TNS3: variants seen among roughly 807,000 people sequenced by gnomAD.
TNS3 encodes the protein tensin 3, also known as tensin-3.
TNS3 carries 45 observed loss-of-function variants against 140.9 expected under a neutral mutation model. The ratio of observed to expected loss-of-function variants is 0.32; its 90% CI spans 0.25 to 0.41. TNS3 has a LOEUF of 0.41. Ranked by LOEUF, TNS3 falls within the 10% of genes least tolerant of loss-of-function variation. TNS3 has a pLI of 1.00. For missense variants in TNS3, 1,716 were observed against 1,906.7 expected (o/e 0.90, Z 1.86); for synonymous variants, 815 against 788.4 (o/e 1.03, Z -0.56).
intron 20 of TNS3, among the ~76,000 whole-genome samples, chr7:47,328,231 G>GC (rs886195092): frequency 3.9e-5 from 6 of 152,184 alleles, no homozygotes; most frequent in Admixed American, 2.0e-4. Flanking sequence ...GAGAGCTCAG[G>GC]CCCGGGAAAG....
At chr7:47,542,324 G>T (rs1029291486) in intron 1 of TNS3, among the ~76,000 whole-genome samples, 1 of 152,132 alleles carries the variant, frequency 6.6e-6, no homozygotes, top group Non-Finnish European at 1.5e-5. Context: ...CTGCAGAGAG[G>T]CATCATCTAA....
Position 47,368,469 on chromosome 7 carries a change from T to C in TNS3, c.2177A>G (p.Gln726Arg), listed in dbSNP as rs370226888. The C allele has an allele frequency of 1.9e-6, 3 of 1,589,350 alleles. No homozygotes were observed. Among genetic ancestry groups the C allele is most frequent in the African/African-American group, 2.7e-5 (2 of 74,432 alleles). Residue 726 changes from glutamine (Q) to arginine (R), a missense_variant, in exon 17 of 31, where the codon CAG (glutamine) becomes CGG (arginine). By Grantham distance (43) the Gln-to-Arg change is conservative (BLOSUM62 1). This residue lies in a region of TNS3 where 1,163 missense variants were observed against 1,182.1 expected (regional missense o/e 0.98). Transcript: ENST00000311160. The part of the protein sequence containing the change: ...IPTHMNALGS[Q>R]ANGSVSPDSV... ...GTCTGGAGACACAGAGCCATTGGCC[T>C]GGCTACCGAGGGCGTTCATGTGGGT...
chr7:47,464,537 A>C (rs186601174), intron 4 of TNS3, among the ~76,000 whole-genome samples: 131 of 152,186 alleles, frequency 8.6e-4, no homozygotes, highest in African/African-American at 3.0e-3. Flanking sequence ...GGCTGAACAG[A>C]CTTCAGTTTG....
intron 2 of TNS3, among the ~76,000 whole-genome samples, chr7:47,514,110 G>T (rs369716941): frequency 3.9e-5 from 6 of 152,190 alleles, no homozygotes; most frequent in African/African-American, 1.4e-4. Context: ...GTCACCCTCT[G>T]CTTCTCCTAG....
intron 2 of TNS3, among the ~76,000 whole-genome samples, chr7:47,514,604 C>G (rs1798719034): frequency 1.3e-5 from 2 of 151,272 alleles, no homozygotes; most frequent in Non-Finnish European, 1.5e-5. Flanking sequence ...CCTTTCTCAA[C>G]TCTCATCTCC....
At chr7:47,543,338 G>A (rs562459589) in intron 1 of TNS3, among the ~76,000 whole-genome samples, 1 of 152,330 alleles carries the variant, frequency 6.6e-6, no homozygotes, top group South Asian at 2.1e-4. Context: ...CCAGGGCCAT[G>A]CTGGAGGGGG....
Position 47,400,927 on chromosome 7 carries a change from G to A in TNS3, c.724-13C>T, listed in dbSNP as rs1562692577. The A allele has an allele frequency of 3.1e-6, 5 of 1,613,842 alleles. No individual in the cohort carries two copies. The African/African-American group carries it at 5.3e-5, about 17-fold the overall frequency. On this transcript the variant is annotated splice_polypyrimidine_tract_variant and intron_variant, in intron 13 of 30. Coordinates refer to ENST00000311160, the MANE Select transcript of TNS3 (RefSeq NM_022748.12). ...GGTAGCATTTCACCTGGGTTAGAGA[G>A]ACAAAACAAAACAAAGTAGCTGCAG...
intron 20 of TNS3, among the ~76,000 whole-genome samples, chr7:47,338,790 C>T (rs1163272818): frequency 6.6e-6 from 1 of 152,192 alleles, no homozygotes; most frequent in Admixed American, 6.5e-5. Context: ...GTGAATTGTG[C>T]TGTGATAAAC....
At chr7:47,343,875 C>A (rs1275869486) in intron 20 of TNS3, among the ~76,000 whole-genome samples, 1 of 152,136 alleles carries the variant, frequency 6.6e-6, no homozygotes, top group Non-Finnish European at 1.5e-5. Context: ...GGATGTCTTT[C>A]TATTACATAG....
Position 47,405,493 on chromosome 7 carries a change from C to G in TNS3, c.724-4579G>C, listed in dbSNP as rs999150729. On this transcript the variant is annotated intron_variant, in intron 13 of 30. Transcript: ENST00000311160. ...AGACTTAAGTCAGGCAGGGCCAACA[C>G]TAACCATGATTTCTTCACTTGGAGC... is the stretch of plus-strand genomic sequence containing the variant. The G allele has an allele frequency of 1.0e-5, 7 of 703,008 alleles. No homozygotes were observed. In the East Asian group the frequency reaches 1.9e-4, roughly 19 times the overall value. The allele number at this position is 703,008 out of a possible 1,614,324, so 43.5% of individuals were successfully genotyped here. A position where few individuals can be genotyped will look rare whatever the true frequency, so the allele number is the denominator to read the frequency against.
intron 8 of TNS3, among the ~76,000 whole-genome samples, chr7:47,428,847 A>T (rs749988250): frequency 1.3e-5 from 2 of 152,204 alleles, no homozygotes; most frequent in Non-Finnish European, 2.9e-5. Context: ...CCTGAGCTCC[A>T]CATACACCGC....
intron 27 of TNS3, among the ~76,000 whole-genome samples, chr7:47,286,394 CAACT>C (rs1316523355): frequency 3.3e-5 from 5 of 152,128 alleles, no homozygotes. Flanking sequence ...ACACATCAAC[CAACT>C]GACACCAAGT....
At chr7:47,509,971 C>T (rs145320946) in intron 2 of TNS3, among the ~76,000 whole-genome samples, 12 of 152,366 alleles carry the variant, frequency 7.9e-5, no homozygotes, top group Non-Finnish European at 7.3e-5. Context: ...AGCACTAACA[C>T]GAGTAACAGG....
chr7:47,277,448 C>T lies in TNS3; in HGVS notation c.*628G>A, dbSNP rs3750161. On this transcript the variant is annotated 3_prime_UTR_variant, in exon 31 of 31. Coordinates refer to ENST00000311160, the MANE Select transcript of TNS3 (RefSeq NM_022748.12). ...CCATGGTGGGGTGGCATGGGGTCTC[C>T]AACGTGGCCAATTCTTCCCACCACC... is the stretch of plus-strand genomic sequence containing the variant. 108,533 of 155,282 alleles carry T rather than the reference C, an allele frequency of 0.7. 38,034 individuals carry two copies. The highest frequency in any genetic ancestry group is 0.81 in the Middle Eastern group (241 of 298). 9.6% of individuals were successfully genotyped at this position (155,282 alleles called of 1,614,324 possible). A position where few individuals can be genotyped will look rare whatever the true frequency, so the allele number is the denominator to read the frequency against.
intron 1 of TNS3, among the ~76,000 whole-genome samples, chr7:47,543,430 G>A (rs1469419630): frequency 6.6e-6 from 1 of 152,236 alleles, no homozygotes; most frequent in East Asian, 1.9e-4. Context: ...CTGGAGAGGT[G>A]GGGAGCTGAC....
chr7:47,302,168 C>G lies in TNS3; in HGVS notation c.3544+18G>C. On this transcript the variant is annotated intron_variant, in intron 23 of 30. Coordinates refer to ENST00000311160, the MANE Select transcript of TNS3 (RefSeq NM_022748.12). The stretch of plus-strand genomic sequence containing the variant: ...ACTAGGGCAGATGCCCAAGGAGGCC[C>G]TCATCCTCCCCACATACCTTGTTCT... The G allele has an allele frequency of 6.2e-7, 1 of 1,601,564 alleles. No individual in the cohort carries two copies. The highest frequency in any genetic ancestry group is 1.3e-5 in the African/African-American group (1 of 74,812).
Position 47,302,946 on chromosome 7 carries a change from C to G in TNS3, c.3457+4G>C, listed in dbSNP as rs367969773. On this transcript the variant is annotated splice_donor_region_variant and intron_variant, in intron 22 of 30. Transcript: ENST00000311160. Reference sequence around the variant, plus strand: ...CCCTTCCAACCAGCTGGAAACACACCTACCTGGCAGAGGTGAGGCCGCTTC... The same window carrying G: ...CCCTTCCAACCAGCTGGAAACACACGTACCTGGCAGAGGTGAGGCCGCTTC... 6.3e-7 allele frequency: 1 copy of G among 1,593,206 alleles called. No individual in the cohort carries two copies. The highest frequency in any genetic ancestry group is 8.6e-7 in the Non-Finnish European group (1 of 1,167,514).
chr7:47,358,586 G>C (rs956971590), intron 17 of TNS3, among the ~76,000 whole-genome samples: 6 of 152,220 alleles, frequency 3.9e-5, no homozygotes, highest in Non-Finnish European at 7.3e-5. Context: ...GAGCGACGCA[G>C]CCGGTGACTT....
At position 47,506,800 on chromosome 7, in the gene TNS3, A is replaced by G. The variant is rs1401890060; in HGVS notation, c.-115+107T>C. 8 of 836,186 alleles carry G rather than the reference A, an allele frequency of 9.6e-6. No individual in the cohort carries two copies. In the Admixed American group the frequency reaches 1.2e-4, roughly 13 times the overall value. The allele number at this position is 836,186 out of a possible 1,614,324, so 51.8% of individuals were successfully genotyped here. On this transcript the variant is annotated intron_variant, in intron 3 of 30. Coordinates refer to ENST00000311160, the MANE Select transcript of TNS3 (RefSeq NM_022748.12). ...TACCCCAGCCCTGGCTTTCCTAAAG[A>G]GTTTTCTTTCCGTGGCTGCAGTCCA...
Sources: gnomAD v4.1 joint callset for allele counts (sites outside exome capture counted in the v4.1 genomes callset) on GRCh38, gnomAD v4.1.1 for gene constraint, gnomAD v4.1.1 regional missense constraint, MANE v1.5 for transcripts, NCBI Gene and HGNC (gene_info 2026-07-23, HGNC 2026-07-21) for gene names.